ZFTRAF1: variants seen among roughly 807,000 people sequenced by gnomAD.
ZFTRAF1 encodes the protein zinc finger TRAF-type and ring finger containing 1.
chr8:144,460,168 C>A, the ZFTRAF1 span, among the ~76,000 whole-genome samples: 1 of 152,206 alleles, frequency 6.6e-6, no homozygotes. Flanking sequence ...AGGCCTGTGC[C>A]CACAGCACTC....
At chr8:144,462,510 C>T in the ZFTRAF1 span, 1 of 169,214 alleles carries the variant, frequency 5.9e-6, no homozygotes. Context: ...AGCCCAGGCC[C>T]CGCCGCCTCG....
At chr8:144,461,997 G>C in the ZFTRAF1 span, among the ~76,000 whole-genome samples, 2 of 152,184 alleles carry the variant, frequency 1.3e-5, no homozygotes, top group East Asian at 3.9e-4. Flanking sequence ...AAAAAGAAGG[G>C]AGAGGTAAGC....
the ZFTRAF1 span, among the ~76,000 whole-genome samples, chr8:144,461,184 C>T: frequency 6.6e-6 from 1 of 152,200 alleles, no homozygotes; most frequent in Non-Finnish European, 1.5e-5. Context: ...GCAACCTAGA[C>T]TAGCCCTACA....
chr8:144,462,120 C>A, the ZFTRAF1 span, among the ~76,000 whole-genome samples: 1 of 152,156 alleles, frequency 6.6e-6, no homozygotes, highest in South Asian at 2.1e-4. Flanking sequence ...TCGGAGCAGC[C>A]GCTGGAGCCC....
the ZFTRAF1 span, chr8:144,450,133 T>C: frequency 4.0e-5 from 20 of 502,736 alleles, no homozygotes; most frequent in African/African-American, 1.2e-4. Flanking sequence ...TGGTGCACCG[T>C]CTCCTCTTCG....
chr8:144,450,004 C>T, the ZFTRAF1 span: 2 of 254,588 alleles, frequency 7.9e-6, no homozygotes, highest in African/African-American at 2.2e-5. Flanking sequence ...GGCCCCCGCG[C>T]CCCGCCGGAA....
the ZFTRAF1 span, chr8:144,455,291 G>A: frequency 6.6e-6 from 1 of 152,258 alleles, no homozygotes; most frequent in Non-Finnish European, 1.5e-5. Context: ...CTCCAGCCTG[G>A]GAGACAGAGT....
chr8:144,450,190 T>C, the ZFTRAF1 span: 1 of 567,580 alleles, frequency 1.8e-6, no homozygotes, highest in South Asian at 2.1e-5. Context: ...GAGGCAGGGG[T>C]CGGGGGGGTG....
chr8:144,462,218 T>C, the ZFTRAF1 span: 180 of 466,698 alleles, frequency 3.9e-4, no homozygotes, highest in African/African-American at 3.5e-3. Context: ...ACGCGGATCC[T>C]GGGGCCCCGC....
the ZFTRAF1 span, chr8:144,450,887 C>G: frequency 1.7e-6 from 1 of 600,606 alleles, no homozygotes; most frequent in South Asian, 2.0e-5. Context: ...GCAACTTACC[C>G]GGACACCGGG....
the ZFTRAF1 span, among the ~76,000 whole-genome samples, chr8:144,460,913 G>A: frequency 6.6e-6 from 1 of 152,186 alleles, no homozygotes; most frequent in Non-Finnish European, 1.5e-5. Context: ...CCGCCTGGGA[G>A]GATCGAAGGT....
chr8:144,458,489 G>C, the ZFTRAF1 span, among the ~76,000 whole-genome samples: 3 of 152,194 alleles, frequency 2.0e-5, no homozygotes, highest in Non-Finnish European at 4.4e-5. Flanking sequence ...CTGGGGAAGA[G>C]GGGCCCGAAG....
chr8:144,450,458 A>G, the ZFTRAF1 span: 1 of 718,238 alleles, frequency 1.4e-6, no homozygotes, highest in Non-Finnish European at 2.6e-6. Flanking sequence ...CACGGAGTCA[A>G]TGATGGGCAG....
chr8:144,462,811 C>T, the ZFTRAF1 span: 3 of 152,108 alleles, frequency 2.0e-5, no homozygotes, highest in Non-Finnish European at 4.4e-5. Context: ...GCGCGTAGCC[C>T]CACAGCCGCC....
chr8:144,459,453 C>G, the ZFTRAF1 span, among the ~76,000 whole-genome samples: 1 of 152,242 alleles, frequency 6.6e-6, no homozygotes, highest in African/African-American at 2.4e-5. Flanking sequence ...TGACGTGAGG[C>G]AGGACTCGGC....
At chr8:144,453,574 G>C in the ZFTRAF1 span, 1 of 947,546 alleles carries the variant, frequency 1.1e-6, no homozygotes, top group Non-Finnish European at 1.6e-6. Flanking sequence ...AGCTGGTGCA[G>C]AGGGGCGCAC....
At chr8:144,452,702 C>A in the ZFTRAF1 span, 3 of 808,396 alleles carry the variant, frequency 3.7e-6, no homozygotes, top group South Asian at 5.2e-5. Flanking sequence ...AGCCCACCCC[C>A]CAGGATGAGG....
the ZFTRAF1 span, among the ~76,000 whole-genome samples, chr8:144,459,595 G>T: frequency 6.6e-6 from 1 of 152,140 alleles, no homozygotes; most frequent in Non-Finnish European, 1.5e-5. Context: ...CAGACCTGGG[G>T]CACCACCCGA....
the ZFTRAF1 span, among the ~76,000 whole-genome samples, chr8:144,450,967 A>C: frequency 5.3e-5 from 8 of 152,302 alleles, no homozygotes; most frequent in Admixed American, 3.9e-4. Context: ...TGAGGGGAAC[A>C]ACCACAAACA....
Sources: gnomAD v4.1 joint callset for allele counts (sites outside exome capture counted in the v4.1 genomes callset) on GRCh38, gnomAD v4.1.1 for gene constraint, MANE v1.5 for transcripts, NCBI Gene and HGNC (gene_info 2026-07-23, HGNC 2026-07-21) for gene names.